Variants in ANO3 observed in about 807,000 individuals in gnomAD.
ANO3 encodes anoctamin-3.
Under a neutral mutation model 144.8 loss-of-function variants are expected in ANO3, and 99 were observed. That is an observed-to-expected ratio of 0.68 (90% confidence interval 0.58 to 0.81). The LOEUF (loss-of-function observed/expected upper bound fraction) is 0.81, where lower values mean the gene tolerates loss of function less well. Among genes scored for constraint, ANO3 ranks in the 30% least tolerant of loss-of-function variants. The probability of loss-of-function intolerance (pLI) is 0.00; values close to 1 mark genes in which losing one functional copy is unlikely to be tolerated. For missense variants in ANO3, 905 were observed against 1,202.2 expected, an observed-to-expected ratio of 0.75 and a Z score of 3.66; for synonymous variants, 414 against 392.6, an observed-to-expected ratio of 1.05 and a Z score of -0.64.
intron 1 of ANO3, among the ~76,000 whole-genome samples, chr11:26,246,917 G>A (rs1590214294): frequency 6.6e-6 from 1 of 152,150 alleles, no homozygotes; most frequent in African/African-American, 2.4e-5. Flanking sequence ...ATGTGGAACT[G>A]TGAGTCCATT....
chr11:26,592,092 T>A (rs1851470491), intron 14 of ANO3, among the ~76,000 whole-genome samples: 4 of 151,896 alleles, frequency 2.6e-5, no homozygotes, highest in Admixed American at 2.6e-4. Context: ...GCTAAGGAGG[T>A]GATGTCTTCA....
chr11:26,358,677 T>C (rs2133921741), intron 1 of ANO3, among the ~76,000 whole-genome samples: 1 of 152,324 alleles, frequency 6.6e-6, no homozygotes, highest in African/African-American at 2.4e-5. Flanking sequence ...TGAAATGCTT[T>C]CGGCCACTAG....
intron 8 of ANO3, among the ~76,000 whole-genome samples, chr11:26,532,554 C>T (rs1389980783): frequency 6.6e-6 from 1 of 152,222 alleles, no homozygotes; most frequent in African/African-American, 2.4e-5. Context: ...GGCATAGATG[C>T]CATAGTTACT....
chr11:26,441,053 G>A (rs1858490585), intron 1 of ANO3, among the ~76,000 whole-genome samples: 1 of 147,404 alleles, frequency 6.8e-6, no homozygotes, highest in South Asian at 2.2e-4. Context: ...CATGAGGGAA[G>A]TAGCTCTAAC....
chr11:26,309,202 G>T (rs1199489682), upstream of ANO3, among the ~76,000 whole-genome samples: 2 of 152,176 alleles, frequency 1.3e-5, no homozygotes, highest in African/African-American at 4.8e-5. Context: ...CAGACAACAG[G>T]CTGAGCAGAG....
chr11:26,653,543 C>T (rs1590683047), intron 24 of ANO3, among the ~76,000 whole-genome samples: 1 of 152,202 alleles, frequency 6.6e-6, no homozygotes, highest in Non-Finnish European at 1.5e-5. Flanking sequence ...GTAGTGTCTT[C>T]TTATTTCACT....
At chr11:26,298,327 G>A (rs1380474931) in intron 1 of ANO3, among the ~76,000 whole-genome samples, 1 of 151,758 alleles carries the variant, frequency 6.6e-6, no homozygotes, top group Non-Finnish European at 1.5e-5. Flanking sequence ...AGGCCAAAAT[G>A]GAAAGGAAAA....
At chr11:26,390,674 GAAAT>G (rs1409924840) in intron 1 of ANO3, among the ~76,000 whole-genome samples, 1 of 152,020 alleles carries the variant, frequency 6.6e-6, no homozygotes, top group Non-Finnish European at 1.5e-5. Context: ...TAGAAAAAAG[GAAAT>G]AAATGTATAT....
chr11:26,492,027 G>T (rs1266888932), intron 4 of ANO3, among the ~76,000 whole-genome samples: 1 of 152,136 alleles, frequency 6.6e-6, no homozygotes, highest in Non-Finnish European at 1.5e-5. Flanking sequence ...TCATAATAAG[G>T]ACAAGGGTTC....
chr11:26,205,998 G>T (rs1851788951), intron 1 of ANO3, among the ~76,000 whole-genome samples: 1 of 152,104 alleles, frequency 6.6e-6, no homozygotes, highest in Admixed American at 6.6e-5. Flanking sequence ...CAAATTTTAT[G>T]CTTTAAGTTT....
At chr11:26,627,842 TGTGTGTGTGTGTGC>T (rs1324548483) in intron 18 of ANO3, among the ~76,000 whole-genome samples, 28 of 115,144 alleles carry the variant, frequency 2.4e-4, no homozygotes, top group African/African-American at 1.3e-3. Flanking sequence ...TGTGTGTGTG[TGTGTGTGTGTGTGC>T]GCCTGACATT....
At chr11:26,455,299 C>T (rs11029563) in intron 3 of ANO3, among the ~76,000 whole-genome samples, 38,706 of 148,630 alleles carry the variant, frequency 0.26, 5,694 homozygotes, top group African/African-American at 0.41. Context: ...TGTTTGCAGA[C>T]GACATGATTG....
intron 1 of ANO3, among the ~76,000 whole-genome samples, chr11:26,388,880 C>G (rs1856803728): frequency 6.6e-6 from 1 of 152,060 alleles, no homozygotes; most frequent in African/African-American, 2.4e-5. Context: ...TCCCTGTACA[C>G]ACGTTTACTA....
intron 1 of ANO3, among the ~76,000 whole-genome samples, chr11:26,349,029 C>T (rs577127948): frequency 6.6e-6 from 1 of 152,286 alleles, no homozygotes; most frequent in Non-Finnish European, 1.5e-5. Context: ...TGATTGTTCA[C>T]GTAAGCACAG....
intron 1 of ANO3, among the ~76,000 whole-genome samples, chr11:26,436,147 A>G (rs1046413446): frequency 6.6e-6 from 1 of 152,176 alleles, no homozygotes. Flanking sequence ...TGCGTTGAGA[A>G]CAGTCTGACC....
chr11:26,423,064 T>G (rs1287593495), intron 1 of ANO3, among the ~76,000 whole-genome samples: 2 of 152,002 alleles, frequency 1.3e-5, no homozygotes, highest in South Asian at 2.1e-4. Flanking sequence ...CTCTATTTCT[T>G]TAAGTGTTAC....
chr11:26,339,262 C>T (rs1238849529), intron 1 of ANO3, among the ~76,000 whole-genome samples: 2 of 151,830 alleles, frequency 1.3e-5, no homozygotes, highest in African/African-American at 4.8e-5. Flanking sequence ...TCAAGCTATT[C>T]TCCTGCCTCA....
chr11:26,559,583 C>T (rs1850200696), intron 13 of ANO3, 136 bp from the exon 14 acceptor site: 2 of 638,214 alleles, frequency 3.1e-6, no homozygotes, highest in Non-Finnish European at 2.8e-6. Flanking sequence ...GAAAGGAATT[C>T]ATATATAATA....
chr11:26,344,594 T>C lies in ANO3; in HGVS notation c.46+12273T>C, dbSNP rs574752100. On this transcript the variant is annotated intron_variant, in intron 1 of 26. Coordinates refer to ENST00000256737, the MANE Select transcript of ANO3 (RefSeq NM_031418.4). ...GTTAGCCAGGATGGTCTTGATCTCCTGACCTTGTGATCCGCCCGCCTCGGT... is the reference window on the plus strand; with the variant it reads ...GTTAGCCAGGATGGTCTTGATCTCCCGACCTTGTGATCCGCCCGCCTCGGT... Among the ~76,000 whole-genome samples, 11 of 152,240 alleles carry C rather than the reference T, an allele frequency of 7.2e-5. No homozygotes were observed. In the South Asian group the frequency reaches 1.9e-3, roughly 26 times the overall value.
Sources: allele counts gnomAD v4.1 joint callset (sites outside exome capture counted in the v4.1 genomes callset), GRCh38; gene constraint gnomAD v4.1.1; transcripts MANE v1.5; gene names NCBI Gene and HGNC (gene_info 2026-07-23, HGNC 2026-07-21).